Variants in NCKAP5 observed in about 807,000 individuals in gnomAD.
The protein encoded by NCKAP5 is nck-associated protein 5.
Under a neutral mutation model 167.0 loss-of-function variants are expected in NCKAP5, and 92 were observed. The observed-to-expected ratio is 0.55, with a 90% confidence interval of 0.47 to 0.66. The LOEUF (loss-of-function observed/expected upper bound fraction) is 0.66. NCKAP5 is among the 30% of genes least tolerant of loss of function. NCKAP5 has a pLI of 0.00. For synonymous variants in NCKAP5, 891 were observed against 877.4 expected (o/e 1.02, Z -0.27); for missense variants, 2,378 against 2,315.0 (o/e 1.03, Z -0.56).
chr2:133,130,030 C>A lies in NCKAP5; in HGVS notation c.289G>T (p.Glu97Ter). ...ATCTGAATTCTGTTGCGTTCAGACT[C>A]TAGGGTCACCTCCTGCAACCGCTTC... ...SEKRLQEVTL[E>*]SERNRIQMRS... The change falls in exon 6 of 20, where the codon GAG becomes TAG. Residue 97 changes from glutamate (E) to a stop codon, truncating the protein, a stop_gained. Coordinates refer to ENST00000409261, the MANE Select transcript of NCKAP5 (RefSeq NM_207363.3). LOFTEE classifies it high-confidence loss of function. 1 of 1,611,636 alleles carries A rather than the reference C, an allele frequency of 6.2e-7. No homozygotes were observed. The highest frequency in any genetic ancestry group is 8.5e-7 in the Non-Finnish European group (1 of 1,179,056).
intron 11 of NCKAP5, among the ~76,000 whole-genome samples, chr2:132,837,022 C>G (rs1033400198): frequency 3.9e-5 from 6 of 152,196 alleles, no homozygotes; most frequent in Admixed American, 3.3e-4. Context: ...TAGTCTATCC[C>G]CATGCTTAAT....
At chr2:133,565,078 G>A (rs58267299) in intron 1 of NCKAP5, among the ~76,000 whole-genome samples, 17 of 152,336 alleles carry the variant, frequency 1.1e-4, no homozygotes, top group African/African-American at 4.1e-4. Flanking sequence ...GACAGGAGGT[G>A]CATGCAAGAT....
At chr2:133,315,717 TCAGTGGTCAAGTAAGA>T (rs1257759583) in intron 3 of NCKAP5, among the ~76,000 whole-genome samples, 1 of 151,510 alleles carries the variant, frequency 6.6e-6, no homozygotes, top group Non-Finnish European at 1.5e-5. Flanking sequence ...TTAAATACAA[TCAGTGGTCAAGTAAGA>T]CAGGCCCCCA....
chr2:133,162,215 A>G (rs1160249261), intron 5 of NCKAP5, among the ~76,000 whole-genome samples: 1 of 145,426 alleles, frequency 6.9e-6, no homozygotes, highest in African/African-American at 2.6e-5. Context: ...ATATTTTTTA[A>G]GTTTTAGATA....
chr2:133,124,908 T>C (rs1006695833), intron 6 of NCKAP5, among the ~76,000 whole-genome samples: 1 of 152,114 alleles, frequency 6.6e-6, no homozygotes, highest in African/African-American at 2.4e-5. Context: ...TAGCCAGGCG[T>C]GGTGACACGC....
intron 5 of NCKAP5, among the ~76,000 whole-genome samples, chr2:133,203,309 A>G (rs578083726): frequency 6.6e-6 from 1 of 152,208 alleles, no homozygotes; most frequent in East Asian, 1.9e-4. Flanking sequence ...CAAACACTGC[A>G]TGTTCTCACT....
At chr2:133,478,381 C>T (rs547290775) in intron 3 of NCKAP5, among the ~76,000 whole-genome samples, 18 of 152,218 alleles carry the variant, frequency 1.2e-4, no homozygotes, top group African/African-American at 4.3e-4. Flanking sequence ...AAACTTCTTC[C>T]AACAGGTGCA....
chr2:132,889,081 T>C (rs1040249968), intron 8 of NCKAP5, among the ~76,000 whole-genome samples: 5 of 152,108 alleles, frequency 3.3e-5, no homozygotes, highest in African/African-American at 1.2e-4. Flanking sequence ...AAGCCCCAGC[T>C]ATGCAGACAG....
chr2:132,828,987 A>G (rs1299558959), intron 11 of NCKAP5, among the ~76,000 whole-genome samples: 1 of 152,114 alleles, frequency 6.6e-6, no homozygotes, highest in African/African-American at 2.4e-5. Flanking sequence ...ACTGTCGGCT[A>G]GGAGACTCAG....
intron 6 of NCKAP5, among the ~76,000 whole-genome samples, chr2:133,016,380 G>A (rs961559477): frequency 2.6e-5 from 4 of 152,210 alleles, no homozygotes; most frequent in African/African-American, 9.6e-5. Context: ...ATTTCTACCT[G>A]TTTTGATAAT....
chr2:132,710,677 G>T (rs1688755081), intron 19 of NCKAP5, among the ~76,000 whole-genome samples: 1 of 152,130 alleles, frequency 6.6e-6, no homozygotes, highest in Non-Finnish European at 1.5e-5. Context: ...CTCACCCTGG[G>T]ACCAAGGAAT....
At chr2:133,232,665 T>C (rs1014952603) in intron 4 of NCKAP5, among the ~76,000 whole-genome samples, 2 of 152,116 alleles carry the variant, frequency 1.3e-5, no homozygotes, top group African/African-American at 2.4e-5. Flanking sequence ...AATTCACAAA[T>C]AGTGCCCACA....
At chr2:133,508,308 G>T (rs1683196913) in intron 3 of NCKAP5, among the ~76,000 whole-genome samples, 1 of 152,176 alleles carries the variant, frequency 6.6e-6, no homozygotes, top group East Asian at 1.9e-4. Context: ...ATTGGAGGAA[G>T]ATATGACAGC....
chr2:132,933,172 G>A (rs1186897510), intron 8 of NCKAP5, among the ~76,000 whole-genome samples: 2 of 151,702 alleles, frequency 1.3e-5, no homozygotes, highest in African/African-American at 2.4e-5. Flanking sequence ...TGATCTGCCC[G>A]CTGCGGCCTC....
the NCKAP5 span, among the ~76,000 whole-genome samples, chr2:133,642,242 C>T: frequency 1.3e-5 from 2 of 152,146 alleles, no homozygotes; most frequent in African/African-American, 4.8e-5. Context: ...TCTACTCATA[C>T]AGGATCACCT....
chr2:133,208,654 G>A (rs1187731844), intron 5 of NCKAP5, among the ~76,000 whole-genome samples: 2 of 152,056 alleles, frequency 1.3e-5, no homozygotes, highest in African/African-American at 2.4e-5. Context: ...ACAGAAATCT[G>A]GATAAAGCAT....
intron 4 of NCKAP5, among the ~76,000 whole-genome samples, chr2:133,285,155 C>T (rs1290725781): frequency 1.3e-5 from 2 of 152,202 alleles, no homozygotes; most frequent in East Asian, 3.9e-4. Flanking sequence ...GCCTTTCACC[C>T]AATCTCAGCT....
intron 4 of NCKAP5, among the ~76,000 whole-genome samples, chr2:133,253,603 A>G (rs1400592996): frequency 6.6e-6 from 1 of 152,034 alleles, no homozygotes; most frequent in Non-Finnish European, 1.5e-5. Flanking sequence ...TGGGGAAGCA[A>G]TATTCCAGTT....
intron 4 of NCKAP5, chr2:133,268,294 A>G (rs2089338484): frequency 6.6e-6 from 1 of 152,196 alleles, no homozygotes; most frequent in Non-Finnish European, 1.5e-5. Flanking sequence ...TGGTGCTTAC[A>G]ACAGCACTAG....
Sources: allele counts gnomAD v4.1 joint callset (sites outside exome capture counted in the v4.1 genomes callset), GRCh38; gene constraint gnomAD v4.1.1; transcripts MANE v1.5; gene names NCBI Gene and HGNC (gene_info 2026-07-23, HGNC 2026-07-21).